Variants in DLC1 observed in about 807,000 individuals in gnomAD.
The protein encoded by DLC1 is DLC1 Rho GTPase activating protein.
Under a neutral mutation model 140.3 loss-of-function variants are expected in DLC1, and 54 were observed. The ratio of observed to expected loss-of-function variants is 0.38; its 90% CI spans 0.31 to 0.48. DLC1 has a LOEUF of 0.48. DLC1 is among the 20% of genes least tolerant of loss of function. The pLI, the probability that DLC1 is intolerant of heterozygous loss-of-function variation, is 0.96. For missense variants in DLC1, 2,536 were observed against 1,907.0 expected (o/e 1.33, Z -6.14); for synonymous variants, 986 against 728.1 (o/e 1.35, Z -5.70).
chr8:13,314,535 A>G (rs1405656712), intron 4 of DLC1, among the ~76,000 whole-genome samples: 1 of 152,066 alleles, frequency 6.6e-6, no homozygotes. Flanking sequence ...CATCTTGGTC[A>G]GGTTAATTAC....
chr8:13,255,232 A>C (rs1199652758), intron 5 of DLC1, among the ~76,000 whole-genome samples: 1 of 151,980 alleles, frequency 6.6e-6, no homozygotes, highest in Admixed American at 6.6e-5. Context: ...AGGCTTCCCA[A>C]AGTGCTGGGA....
intron 1 of DLC1, among the ~76,000 whole-genome samples, chr8:13,521,467 C>G (rs1039202316): frequency 3.3e-5 from 5 of 152,082 alleles, no homozygotes; most frequent in Non-Finnish European, 7.4e-5. Context: ...TTCAGCTTCT[C>G]TTATAAGTCT....
chr8:13,317,336 C>T (rs1586125968), intron 4 of DLC1, among the ~76,000 whole-genome samples: 1 of 151,990 alleles, frequency 6.6e-6, no homozygotes, highest in East Asian at 1.9e-4. Context: ...TCTAGAAAAC[C>T]CATTAAATAA....
chr8:13,200,328 C>A (rs1827311928), intron 5 of DLC1, among the ~76,000 whole-genome samples: 1 of 151,960 alleles, frequency 6.6e-6, no homozygotes, highest in Non-Finnish European at 1.5e-5. Flanking sequence ...TCCCAAAGTG[C>A]TGGGATTACA....
chr8:13,466,261 G>A (rs991863843), intron 2 of DLC1, among the ~76,000 whole-genome samples: 5 of 152,186 alleles, frequency 3.3e-5, no homozygotes, highest in Non-Finnish European at 7.3e-5. Context: ...TGCTCGCTGA[G>A]CCTGCGTGTT....
At chr8:13,291,341 G>A (rs773507898) in intron 5 of DLC1, among the ~76,000 whole-genome samples, 3 of 152,158 alleles carry the variant, frequency 2.0e-5, no homozygotes, top group Admixed American at 1.3e-4. Flanking sequence ...AATCATGTTT[G>A]GATAGTAAAT....
chr8:13,232,628 G>A (rs564780435), intron 5 of DLC1, among the ~76,000 whole-genome samples: 21 of 152,168 alleles, frequency 1.4e-4, no homozygotes, highest in Admixed American at 6.6e-5. Context: ...ACGGTGCCCC[G>A]CCTCTGCTAC....
chr8:13,436,272 GT>G (rs200834863), intron 2 of DLC1, among the ~76,000 whole-genome samples: 1 of 152,172 alleles, frequency 6.6e-6, no homozygotes, highest in East Asian at 1.9e-4. Context: ...ACGTTTTGCT[GT>G]GTAGAGATAA....
chr8:13,324,072 T>A (rs985892500), intron 4 of DLC1, among the ~76,000 whole-genome samples: 4 of 152,208 alleles, frequency 2.6e-5, no homozygotes, highest in African/African-American at 9.6e-5. Context: ...TAATACAGTG[T>A]CTGACAAATC....
chr8:13,585,858 T>C (rs1340005464), intron 1 of DLC1, among the ~76,000 whole-genome samples: 1 of 152,224 alleles, frequency 6.6e-6, no homozygotes, highest in East Asian at 1.9e-4. Flanking sequence ...GTAAACATCT[T>C]GTCTCCAAAT....
upstream of DLC1, among the ~76,000 whole-genome samples, chr8:13,515,860 A>G (rs528398666): frequency 6.6e-6 from 1 of 152,340 alleles, no homozygotes; most frequent in Admixed American, 6.5e-5. Flanking sequence ...TCTTATAATA[A>G]GATATCACAA....
intron 2 of DLC1, among the ~76,000 whole-genome samples, chr8:13,496,965 T>C (rs1801543373): frequency 6.6e-6 from 1 of 151,898 alleles, no homozygotes; most frequent in African/African-American, 2.4e-5. Context: ...CATGCCTGGC[T>C]AATTTTTTGT....
intron 5 of DLC1, among the ~76,000 whole-genome samples, chr8:13,247,119 G>T (rs189494818): frequency 6.6e-6 from 1 of 152,288 alleles, no homozygotes; most frequent in Admixed American, 6.5e-5. Flanking sequence ...TTTAGTGCAT[G>T]GCCACTGAAA....
chr8:13,430,087 A>C (rs1838792060), intron 2 of DLC1, among the ~76,000 whole-genome samples: 1 of 152,176 alleles, frequency 6.6e-6, no homozygotes, highest in African/African-American at 2.4e-5. Context: ...AATCTGTGGG[A>C]ATGGTATATA....
chr8:13,202,177 C>T (rs1047716540), intron 5 of DLC1, among the ~76,000 whole-genome samples: 1 of 152,000 alleles, frequency 6.6e-6, no homozygotes, highest in African/African-American at 2.4e-5. Flanking sequence ...ATCTCTTGAC[C>T]TCGTGATCCA....
Position 13,083,890 on chromosome 8 carries a change from G to A in DLC1, c.*1921C>T, listed in dbSNP as rs1817345390. On this transcript the variant is annotated 3_prime_UTR_variant, in exon 18 of 18. Coordinates refer to ENST00000276297, the MANE Select transcript of DLC1 (RefSeq NM_182643.3). ...GTGGTTTTAAGGGTGGGAGTGAGAT[G>A]CAATATTAAGGAAGGCAGCCCAGAC... 1.3e-5 allele frequency: 2 copies of A among 152,616 alleles called. No individual in the cohort carries two copies. The highest frequency in any genetic ancestry group is 4.1e-4 in the South Asian group (2 of 4,828). The allele number at this position is 152,616 out of a possible 1,614,324, so 9.5% of individuals were successfully genotyped here.
chr8:13,573,571 T>C (rs1455053561), intron 1 of DLC1, among the ~76,000 whole-genome samples: 1 of 152,208 alleles, frequency 6.6e-6, no homozygotes, highest in Non-Finnish European at 1.5e-5. Context: ...CCACTGGGAA[T>C]GATTTTACTT....
chr8:13,172,177 G>C (rs545826420), intron 5 of DLC1, among the ~76,000 whole-genome samples: 20 of 152,336 alleles, frequency 1.3e-4, no homozygotes, highest in African/African-American at 3.6e-4. Context: ...AAGTATTAAA[G>C]TGGTAATTAT....
At position 13,499,706 on chromosome 8, in the gene DLC1, T is replaced by G. The variant is rs746086118; in HGVS notation, c.366A>C (p.Thr122=). 5 of 1,614,194 alleles carry G rather than the reference T, an allele frequency of 3.1e-6. No individual in the cohort carries two copies. The highest frequency in any genetic ancestry group is 4.2e-6 in the Non-Finnish European group (5 of 1,180,018). ...DEDNNADLCL[T]DDKQVLNTQG... is the part of the protein sequence containing the mutation. ...GGGTATTTAAAACCTGTTTATCATC[T>G]GTAAGGCATAAATCAGCATTGTTAT... The change falls in exon 2 of 18, where the codon ACA becomes ACC. Residue 122 remains threonine, a synonymous_variant. Transcript: ENST00000276297.
Sources: allele counts gnomAD v4.1 joint callset (sites outside exome capture counted in the v4.1 genomes callset), GRCh38; gene constraint gnomAD v4.1.1; transcripts MANE v1.5; gene names NCBI Gene and HGNC (gene_info 2026-07-23, HGNC 2026-07-21).